The following ZW10 variants were observed in gnomAD, a reference collection of about 807,000 sequenced individuals.
ZW10 encodes centromere/kinetochore protein zw10 homolog.
A neutral mutation model predicts 87.8 loss-of-function variants in ZW10; 53 were observed. The ratio of observed to expected loss-of-function variants is 0.60; its 90% CI spans 0.48 to 0.76. ZW10 has a LOEUF of 0.76. ZW10 is among the 30% of genes least tolerant of loss of function. The pLI is 0.00. For missense variants in ZW10, 837 were observed against 923.0 expected, an observed-to-expected ratio of 0.91 and a Z score of 1.21; for synonymous variants, 312 against 329.2, an observed-to-expected ratio of 0.95 and a Z score of 0.57.
Position 113,773,551 on chromosome 11 carries a change from C to G in ZW10, c.105+11G>C, listed in dbSNP as rs200744880. The G allele has an allele frequency of 5.6e-6, 9 of 1,610,598 alleles. No homozygotes were observed. In the Admixed American group the frequency reaches 1.5e-4, roughly 27 times the overall value. On this transcript the variant is annotated intron_variant, in intron 1 of 15. Coordinates refer to ENST00000200135, the MANE Select transcript of ZW10 (RefSeq NM_004724.4). The stretch of plus-strand genomic sequence containing the variant: ...CCCCTTCCAGTCAGCAGACAGCTGC[C>G]CCGCTCTCACCTTGATCTCCTCCAC...
chr11:113,772,453 G>A (rs1035737780), intron 1 of ZW10, among the ~76,000 whole-genome samples: 2 of 152,116 alleles, frequency 1.3e-5, no homozygotes, highest in Non-Finnish European at 2.9e-5. Context: ...TATGGTGTGT[G>A]GCAAACTTGC....
At chr11:113,739,414 C>T in intron 11 of ZW10, 32 bp from the exon 12 acceptor site, 1 of 1,562,876 alleles carries the variant, frequency 6.4e-7, no homozygotes, top group South Asian at 1.2e-5. Context: ...AAAAACAAAG[C>T]AACCACCTGT....
chr11:113,741,846 C>A, intron 10 of ZW10, 81 bp from the exon 11 acceptor site: 1 of 889,344 alleles, frequency 1.1e-6, no homozygotes, highest in South Asian at 1.7e-5. Flanking sequence ...AGTGCATCTT[C>A]AGTGAGAGTC....
At chr11:113,734,504 C>A (rs942203992) in intron 15 of ZW10, among the ~76,000 whole-genome samples, 4 of 152,060 alleles carry the variant, frequency 2.6e-5, no homozygotes, top group Non-Finnish European at 5.9e-5. Context: ...GCTACACATA[C>A]CATCAAGAAT....
At chr11:113,760,435 A>G (rs1591420544) in intron 4 of ZW10, 67 bp from the exon 5 acceptor site, 2 of 1,603,168 alleles carry the variant, frequency 1.2e-6, no homozygotes, top group South Asian at 1.1e-5. Flanking sequence ...ATATATTTGC[A>G]TAATGATAAA....
chr11:113,770,231 G>A (rs975713450), intron 1 of ZW10, among the ~76,000 whole-genome samples: 1 of 151,290 alleles, frequency 6.6e-6, no homozygotes, highest in Non-Finnish European at 1.5e-5. Context: ...TGGGACTACA[G>A]GCATGCGCCA....
Position 113,739,240 on chromosome 11 carries a change from C to T in ZW10, c.1726G>A (p.Asp576Asn), listed in dbSNP as rs1297934518. The stretch of plus-strand genomic sequence containing the variant: ...AGTCTCCTGAAGCCAGGTACAAGAT[C>T]CACAAAAGTAGCAGTGCCATCACAA... ...ILCDGTATFV[D>N]LVPGFRRLGT... is the part of the protein sequence containing the mutation. Residue 576 changes from aspartate (D) to asparagine (N), a missense_variant, in exon 12 of 16, where the codon GAT becomes AAT. Asp to Asn is a conservative substitution (Grantham distance 23). Coordinates refer to ENST00000200135, the MANE Select transcript of ZW10 (RefSeq NM_004724.4). The T allele has an allele frequency of 6.2e-7, 1 of 1,613,904 alleles. No homozygotes were observed. The highest frequency in any genetic ancestry group is 8.5e-7 in the Non-Finnish European group (1 of 1,179,922).
Position 113,733,617 on chromosome 11 carries a change from A to G in ZW10, c.*77T>C, listed in dbSNP as rs1953515176. On this transcript the variant is annotated 3_prime_UTR_variant, in exon 16 of 16. Transcript: ENST00000200135. ...TTCACCAAAACCAATGGGCGATTCA[A>G]AGAAGTCTTTAAGGGAGTAATTATG... 1 of 1,598,502 alleles carries G rather than the reference A, an allele frequency of 6.3e-7. No individual in the cohort carries two copies. Among genetic ancestry groups the G allele is most frequent in the East Asian group, 2.2e-5 (1 of 44,802 alleles).
chr11:113,742,425 T>C (rs1320429684), intron 10 of ZW10, among the ~76,000 whole-genome samples: 1 of 152,190 alleles, frequency 6.6e-6, no homozygotes, highest in Non-Finnish European at 1.5e-5. Flanking sequence ...TTTAGGAAAA[T>C]AAGTCATACC....
chr11:113,747,433 C>T, intron 9 of ZW10, 98 bp downstream of exon 9: 1 of 1,136,164 alleles, frequency 8.8e-7, no homozygotes, highest in East Asian at 2.4e-5. Context: ...CTCAGCTCAA[C>T]AACCGTCATC....
At chr11:113,757,552 T>C in intron 7 of ZW10, 110 bp downstream of exon 7, 1 of 905,752 alleles carries the variant, frequency 1.1e-6, no homozygotes, top group African/African-American at 1.7e-5. Context: ...TACTTACTTT[T>C]CATCCTCCTT....
intron 9 of ZW10, among the ~76,000 whole-genome samples, chr11:113,746,123 G>A (rs1392919769): frequency 6.6e-6 from 1 of 152,192 alleles, no homozygotes; most frequent in Non-Finnish European, 1.5e-5. Flanking sequence ...CGAAGAATTA[G>A]CCGGTCCCAA....
intron 1 of ZW10, 133 bp from the exon 2 acceptor site, chr11:113,769,100 C>T (rs192469687): frequency 3.8e-4 from 311 of 811,316 alleles, no homozygotes; most frequent in African/African-American, 3.4e-3. Context: ...CATTCACTTT[C>T]CCTCCAAGCC....
At chr11:113,750,477 T>C (rs1389868341) in intron 7 of ZW10, among the ~76,000 whole-genome samples, 1 of 152,124 alleles carries the variant, frequency 6.6e-6, no homozygotes, top group Non-Finnish European at 1.5e-5. Context: ...CTAATTTTTG[T>C]ATATTTAGTA....
At chr11:113,757,481 G>A (rs1953802677) in intron 7 of ZW10, among the ~76,000 whole-genome samples, 181 bp downstream of exon 7, 1 of 152,192 alleles carries the variant, frequency 6.6e-6, no homozygotes, top group African/African-American at 2.4e-5. Flanking sequence ...ACAATGCAGA[G>A]AAGGAATGCA....
intron 5 of ZW10, among the ~76,000 whole-genome samples, 195 bp from the exon 6 acceptor site, chr11:113,758,901 CA>C (rs1953828302): frequency 1.3e-5 from 2 of 152,262 alleles, no homozygotes; most frequent in South Asian, 4.1e-4. Flanking sequence ...AGGTCAGGTG[CA>C]GGGGCTCATG....
chr11:113,748,036 A>G (rs1241124658), intron 8 of ZW10, among the ~76,000 whole-genome samples: 1 of 152,252 alleles, frequency 6.6e-6, no homozygotes, highest in East Asian at 1.9e-4. Flanking sequence ...ATAAGTATAA[A>G]TGAACATAAA....
In ZW10 at chr11:113,733,791, A is replaced by AG. The variant is rs771125718; in HGVS notation, c.2242dup (p.Leu748ProfsTer9). The AG allele has an allele frequency of 4.3e-6, 7 of 1,609,892 alleles. No homozygotes were observed. Among genetic ancestry groups the AG allele is most frequent in the Non-Finnish European group, 5.9e-6 (7 of 1,177,412 alleles). ...TTCACTGGAAGAGAACGCAGCTGCC[A>AG]GGGGTCCTTTTCCATCTGCCCACCT... On this transcript the variant is annotated frameshift_variant, in exon 16 of 16. Coordinates refer to ENST00000200135, the MANE Select transcript of ZW10 (RefSeq NM_004724.4). LOFTEE classifies it high-confidence loss of function.
At chr11:113,747,845 T>A in intron 8 of ZW10, 132 bp from the exon 9 acceptor site, 1 of 586,600 alleles carries the variant, frequency 1.7e-6, no homozygotes, top group East Asian at 2.9e-5. Context: ...AATTACTAGG[T>A]ATAAAAATAT....
Sources: gnomAD v4.1 joint callset for allele counts (sites outside exome capture counted in the v4.1 genomes callset) on GRCh38, gnomAD v4.1.1 for gene constraint, MANE v1.5 for transcripts, NCBI Gene and HGNC (gene_info 2026-07-23, HGNC 2026-07-21) for gene names.